LRRFIP2: variants seen among roughly 807,000 people sequenced by gnomAD.
LRRFIP2 encodes LRR binding FLII interacting protein 2.
A neutral mutation model predicts 125.9 loss-of-function variants in LRRFIP2; 109 were observed. The ratio of observed to expected loss-of-function variants is 0.87; its 90% CI spans 0.74 to 1.01. The LOEUF is 1.01. Ranked by LOEUF, LRRFIP2 falls within the 50% of genes least tolerant of loss-of-function variation. The probability of loss-of-function intolerance (pLI) is 0.00; values close to 1 mark genes in which losing one functional copy is unlikely to be tolerated. For synonymous variants in LRRFIP2, 291 were observed against 293.1 expected, an observed-to-expected ratio of 0.99 and a Z score of 0.07; for missense variants, 850 against 862.3, an observed-to-expected ratio of 0.99 and a Z score of 0.18.
At chr3:37,149,788 G>C (rs1485833122) in intron 1 of LRRFIP2, among the ~76,000 whole-genome samples, 2 of 151,242 alleles carry the variant, frequency 1.3e-5, no homozygotes, top group Non-Finnish European at 3.0e-5. Flanking sequence ...ATCACTTGAA[G>C]CCAGGAGTTC....
chr3:37,171,694 T>C (rs1404927513), intron 1 of LRRFIP2, among the ~76,000 whole-genome samples: 1 of 152,190 alleles, frequency 6.6e-6, no homozygotes, highest in Non-Finnish European at 1.5e-5. Flanking sequence ...TTATTATGTA[T>C]AGATTAGGAT....
At chr3:37,175,754 G>A (rs2096652389), upstream of LRRFIP2, 1 of 152,360 alleles carries the variant, frequency 6.6e-6, no homozygotes, top group Admixed American at 6.5e-5. Context: ...AAGGCGCCTA[G>A]GGCACCCGAA....
At chr3:37,086,407 C>T (rs758482601) in intron 18 of LRRFIP2, among the ~76,000 whole-genome samples, 1 of 152,138 alleles carries the variant, frequency 6.6e-6, no homozygotes, top group Non-Finnish European at 1.5e-5. Flanking sequence ...TATGTCTACA[C>T]AAAAACTTGC....
chr3:37,065,640 G>T, intron 23 of LRRFIP2, 170 bp downstream of exon 23: 1 of 811,942 alleles, frequency 1.2e-6, no homozygotes, highest in Non-Finnish European at 2.1e-6. Flanking sequence ...GATTTCCCAA[G>T]GTCAAGGATG....
rs931143263 is a variant in LRRFIP2 at position 37,053,128 on chromosome 3, A to ATACTT, written c.*718_*722dup. 30 of 152,708 alleles carry ATACTT rather than the reference A, an allele frequency of 2.0e-4. No homozygotes were observed. The highest frequency in any genetic ancestry group is 7.2e-4 in the African/African-American group (30 of 41,558). 9.5% of individuals were successfully genotyped at this position (152,708 alleles called of 1,614,324 possible). A position where few individuals can be genotyped will look rare whatever the true frequency, so the allele number is the denominator to read the frequency against. ...ATTCCACAAATAAGCAGCAGATAAA[A>ATACTT]TACTTTACAAGGTACAGCACAGTTG... On this transcript the variant is annotated 3_prime_UTR_variant, in exon 28 of 28. Coordinates refer to ENST00000336686, the MANE Select transcript of LRRFIP2 (RefSeq NM_006309.4).
chr3:37,148,819 T>C (rs1279876888), intron 2 of LRRFIP2, 75 bp downstream of exon 2: 2 of 1,540,056 alleles, frequency 1.3e-6, no homozygotes, highest in Non-Finnish European at 1.8e-6. Context: ...AGTAAACGTC[T>C]ATATCTCTGT....
chr3:37,084,221 T>C (rs1279504500), intron 18 of LRRFIP2, among the ~76,000 whole-genome samples: 2 of 152,234 alleles, frequency 1.3e-5, no homozygotes, highest in Non-Finnish European at 2.9e-5. Context: ...GTGAACTTCA[T>C]ACGCATTTGA....
Position 37,158,861 on chromosome 3 carries a change from A to G in LRRFIP2, c.-55-9823T>C, listed in dbSNP as rs1482486287. The stretch of plus-strand genomic sequence containing the variant: ...CCTTTAATTTTTCCCTTTTCAACAA[A>G]TATTTACTGAGAATTTGCAAGGCAC... On this transcript the variant is annotated intron_variant, in intron 1 of 27. Coordinates refer to ENST00000336686, the MANE Select transcript of LRRFIP2 (RefSeq NM_006309.4). Among the ~76,000 whole-genome samples, 7 of 152,298 alleles carry G rather than the reference A, an allele frequency of 4.6e-5. No homozygotes were observed. In the East Asian group the frequency reaches 1.4e-3, roughly 29 times the overall value.
chr3:37,091,420 A>G (rs759942074), intron 18 of LRRFIP2, 47 bp downstream of exon 18: 7 of 1,484,034 alleles, frequency 4.7e-6, no homozygotes, highest in Non-Finnish European at 6.4e-6. Flanking sequence ...CATTGCCAAC[A>G]CTTCTGCATA....
chr3:37,104,137 G>A (rs190378813), intron 14 of LRRFIP2, among the ~76,000 whole-genome samples: 88 of 152,138 alleles, frequency 5.8e-4, no homozygotes, highest in East Asian at 4.2e-3. Flanking sequence ...TAATAATAAT[G>A]ATTGCATTTA....
At chr3:37,080,349 T>C (rs1011547386) in intron 19 of LRRFIP2, among the ~76,000 whole-genome samples, 79 of 151,970 alleles carry the variant, frequency 5.2e-4, no homozygotes, top group African/African-American at 1.7e-3. Flanking sequence ...TGAGCCGAGA[T>C]TGCGCCATTG....
intron 18 of LRRFIP2, among the ~76,000 whole-genome samples, chr3:37,085,608 G>A (rs912156195): frequency 3.4e-5 from 5 of 149,160 alleles, no homozygotes; most frequent in African/African-American, 1.2e-4. Flanking sequence ...TCGAGATGGA[G>A]TCTCACATTA....
chr3:37,143,040 T>C (rs1247863750), intron 2 of LRRFIP2, among the ~76,000 whole-genome samples: 1 of 152,114 alleles, frequency 6.6e-6, no homozygotes, highest in East Asian at 1.9e-4. Context: ...CCTTGCGCTC[T>C]CGTTTCCACT....
At position 37,121,701 on chromosome 3, in the gene LRRFIP2, G is replaced by T. The variant is rs553784857; in HGVS notation, c.229-10C>A. ...CCCTTTCCGAATCTTCCTGGGAAAG[G>T]AGAAAGTACATGGAGAGTTAATCAC... On this transcript the variant is annotated splice_polypyrimidine_tract_variant and intron_variant, in intron 4 of 27. Transcript: ENST00000336686. The T allele has an allele frequency of 4.3e-6, 7 of 1,613,716 alleles. No individual in the cohort carries two copies. The African/African-American group carries it at 8.0e-5, about 18-fold the overall frequency.
intron 8 of LRRFIP2, 60 bp from the exon 9 acceptor site, chr3:37,111,125 C>T: frequency 7.1e-7 from 1 of 1,400,800 alleles, no homozygotes; most frequent in Non-Finnish European, 1.0e-6. Flanking sequence ...CCTAACAACA[C>T]ACAAAGGCAA....
In LRRFIP2 at chr3:37,054,474, A is replaced by C; in HGVS notation, c.1992T>G (p.Ala664=). The C allele has an allele frequency of 6.2e-7, 1 of 1,614,106 alleles. No individual in the cohort carries two copies. The highest frequency in any genetic ancestry group is 8.5e-7 in the Non-Finnish European group (1 of 1,179,984). ...LEGQVLRYKT[A]AENAEKVEDE... ...CTTCAACTTTCTCAGCATTCTCAGC[A>C]GCAGTTTTATATCTCAGAACCTGTC... Residue 664 remains alanine (A), a synonymous_variant, in exon 27 of 28, where the codon GCT becomes GCG. Transcript: ENST00000336686.
At chr3:37,104,901 G>C (rs1369484480) in intron 14 of LRRFIP2, among the ~76,000 whole-genome samples, 1 of 151,358 alleles carries the variant, frequency 6.6e-6, no homozygotes, top group East Asian at 1.9e-4. Context: ...CTGGAGTGCA[G>C]TGATGCAATC....
At chr3:37,154,275 C>T (rs953560466) in intron 1 of LRRFIP2, among the ~76,000 whole-genome samples, 2 of 152,148 alleles carry the variant, frequency 1.3e-5, no homozygotes, top group African/African-American at 4.8e-5. Context: ...ATGGAGGAAA[C>T]CTTGAAAGGA....
rs1471196940 is a variant in LRRFIP2 at position 37,053,583 on chromosome 3, G to A, written c.*268C>T. On this transcript the variant is annotated 3_prime_UTR_variant, in exon 28 of 28. Transcript: ENST00000336686. Reference sequence around the variant, plus strand: ...ACTGAGGCAGCTGGGGAAAAACGTTGAGTAAACATGATTCTACAATTACGG... The same window carrying A: ...ACTGAGGCAGCTGGGGAAAAACGTTAAGTAAACATGATTCTACAATTACGG... 1 of 374,558 alleles carries A rather than the reference G, an allele frequency of 2.7e-6. No homozygotes were observed. The highest frequency in any genetic ancestry group is 2.1e-5 in the African/African-American group (1 of 47,964). 23.2% of individuals were successfully genotyped at this position (374,558 alleles called of 1,614,324 possible). A position where few individuals can be genotyped will look rare whatever the true frequency, so the allele number is the denominator to read the frequency against.
Sources: allele counts gnomAD v4.1 joint callset (sites outside exome capture counted in the v4.1 genomes callset), GRCh38; gene constraint gnomAD v4.1.1; transcripts MANE v1.5; gene names NCBI Gene and HGNC (gene_info 2026-07-23, HGNC 2026-07-21).